Variants in ZSCAN5A observed in about 807,000 individuals in gnomAD.
ZSCAN5A encodes zinc finger and SCAN domain-containing protein 5A.
In ZSCAN5A, 12 loss-of-function variants were observed where a neutral mutation model predicts 23.7. The observed-to-expected ratio is 0.51, with a 90% confidence interval of 0.32 to 0.82. ZSCAN5A has a LOEUF of 0.82. Among genes scored for constraint, ZSCAN5A ranks in the 40% least tolerant of loss-of-function variants. ZSCAN5A has a pLI of 0.03. For synonymous variants in ZSCAN5A, 257 were observed against 239.9 expected, an observed-to-expected ratio of 1.07 and a Z score of -0.66; for missense variants, 597 against 617.9, an observed-to-expected ratio of 0.97 and a Z score of 0.36.
At chr19:56,244,433 G>A (rs987999650) in intron 2 of ZSCAN5A, 1 of 1,579,822 alleles carries the variant, frequency 6.3e-7, no homozygotes, top group Non-Finnish European at 8.6e-7. Context: ...ATGGGTGAGT[G>A]GGACCCTCGT....
intron 2 of ZSCAN5A, among the ~76,000 whole-genome samples, chr19:56,298,395 TG>T (rs2040016455): frequency 6.6e-6 from 1 of 152,114 alleles, no homozygotes; most frequent in Admixed American, 6.5e-5. Flanking sequence ...CCCAGCATTC[TG>T]GGAGGCCGAG....
intron 2 of ZSCAN5A, among the ~76,000 whole-genome samples, chr19:56,241,206 C>T (rs2035400891): frequency 6.6e-6 from 1 of 152,164 alleles, no homozygotes; most frequent in African/African-American, 2.4e-5. Flanking sequence ...TGTTCCATTG[C>T]TTGCTTTAAT....
At chr19:56,363,587 G>A (rs903004165) in intron 1 of ZSCAN5A, among the ~76,000 whole-genome samples, 2 of 152,216 alleles carry the variant, frequency 1.3e-5, no homozygotes, top group Middle Eastern at 3.2e-3. Context: ...TAGTAATATG[G>A]ACAGTGACGT....
Position 56,237,186 on chromosome 19 carries a change from G to A in ZSCAN5A, c.-127-12013C>T, listed in dbSNP as rs182107613. ...CCGTTTTTTTGTGTTTTTGTCTTTC[G>A]TTGCTTTGTTCTTTTGTTACTTTGT... On this transcript the variant is annotated intron_variant, in intron 2 of 5. Transcript: ENST00000683990. Among the ~76,000 whole-genome samples, 729 of 152,218 alleles carry A rather than the reference G, an allele frequency of 4.8e-3. 4 individuals carry two copies. The highest frequency in any genetic ancestry group is 0.015 in the African/African-American group (616 of 41,526).
At chr19:56,225,882 C>T (rs2033885123) in intron 2 of ZSCAN5A, among the ~76,000 whole-genome samples, 1 of 135,226 alleles carries the variant, frequency 7.4e-6, no homozygotes, top group Admixed American at 7.9e-5. Flanking sequence ...CTAGCAATCA[C>T]TAATCTACCT....
intron 2 of ZSCAN5A, among the ~76,000 whole-genome samples, chr19:56,342,117 A>G (rs140343237): frequency 2.0e-5 from 3 of 152,272 alleles, no homozygotes; most frequent in South Asian, 2.1e-4. Context: ...ACTTAATCAC[A>G]TAAAAGTTTT....
At position 56,224,838 on chromosome 19, in the gene ZSCAN5A, T is replaced by C. The variant is rs1436150555; in HGVS notation, c.209A>G (p.His70Arg). 1 of 1,613,294 alleles carries C rather than the reference T, an allele frequency of 6.2e-7. No homozygotes were observed. The highest frequency in any genetic ancestry group is 8.5e-7 in the Non-Finnish European group (1 of 1,179,610). ...GTGGAGGTCGGGCCTCAGCCACAGA[T>C]GGCACAGCTCAGTGAGTTTCCTCAG... is the stretch of plus-strand genomic sequence containing the variant. ...QALRKLTELC[H>R]LWLRPDLHTK... The change falls in exon 3 of 6, where the codon CAT becomes CGT. Residue 70 changes from histidine (H) to arginine (R), a missense_variant. His to Arg is a conservative substitution (Grantham distance 29, BLOSUM62 0). Coordinates refer to ENST00000683990, the MANE Select transcript of ZSCAN5A (RefSeq NM_001322064.3).
chr19:56,272,065 G>C (rs2037888084), intron 2 of ZSCAN5A, among the ~76,000 whole-genome samples: 1 of 152,208 alleles, frequency 6.6e-6, no homozygotes, highest in Admixed American at 6.5e-5. Flanking sequence ...CAACTTTATA[G>C]ATCAAGAAAA....
chr19:56,245,951 G>A (rs923092879), intron 2 of ZSCAN5A, among the ~76,000 whole-genome samples: 16 of 152,270 alleles, frequency 1.1e-4, no homozygotes, highest in East Asian at 1.9e-4. Flanking sequence ...CTCCAGGAGG[G>A]TGATGCAGCC....
rs997211124 is a variant in ZSCAN5A at position 56,222,604 on chromosome 19, A to T, written c.726T>A (p.Leu242=). The change falls in exon 5 of 6, where the codon CTT becomes CTA. Residue 242 remains leucine (L), a synonymous_variant. Transcript: ENST00000683990. ...CTTCATACTCACTGGGACTCTTTGGAAGCTGAGGCTCTGGGGATGTCAGTC... is the reference window on the plus strand; with the variant it reads ...CTTCATACTCACTGGGACTCTTTGGTAGCTGAGGCTCTGGGGATGTCAGTC... ...NPGLTSPEPQ[L]PKSPTDLVRA... is the part of the protein sequence containing the mutation. 4 of 1,614,138 alleles carry T rather than the reference A, an allele frequency of 2.5e-6. No individual in the cohort carries two copies. The Admixed American group carries it at 6.7e-5, about 27-fold the overall frequency.
chr19:56,222,574 C>A lies in ZSCAN5A; in HGVS notation c.739+17G>T. Reference sequence around the variant, plus strand: ...AGAGAGGGACTAACCCCTGTGGATCCAAGTCTTCATACTCACTGGGACTCT... The same window carrying A: ...AGAGAGGGACTAACCCCTGTGGATCAAAGTCTTCATACTCACTGGGACTCT... On this transcript the variant is annotated intron_variant, in intron 5 of 5. Coordinates refer to ENST00000683990, the MANE Select transcript of ZSCAN5A (RefSeq NM_001322064.3). 6.2e-7 allele frequency: 1 copy of A among 1,613,148 alleles called. No homozygotes were observed. Among genetic ancestry groups the A allele is most frequent in the East Asian group, 2.2e-5 (1 of 44,838 alleles).
rs2033301839 is a variant in ZSCAN5A at position 56,222,197 on chromosome 19, T to C, written c.869A>G (p.Asp290Gly). Residue 290 changes from aspartate (D) to glycine (G), a missense_variant, in exon 6 of 6, where the codon GAC (aspartate) becomes GGC (glycine). Asp to Gly is a moderately conservative substitution (Grantham distance 94). Coordinates refer to ENST00000683990, the MANE Select transcript of ZSCAN5A (RefSeq NM_001322064.3). ...EASTHSGNRGDALNLSSPKRS... is the reference protein window; with the variant it reads ...EASTHSGNRGGALNLSSPKRS... ...TTTGGGACTGCTCAGATTCAGAGCGTCTCCTCTGTTCCCGCTGTGAGTCGA... is the reference window on the plus strand; with the variant it reads ...TTTGGGACTGCTCAGATTCAGAGCGCCTCCTCTGTTCCCGCTGTGAGTCGA... 8.7e-6 allele frequency: 14 copies of C among 1,613,984 alleles called. No individual in the cohort carries two copies. The highest frequency in any genetic ancestry group is 1.1e-5 in the Non-Finnish European group (13 of 1,179,952).
chr19:56,285,311 A>G (rs1232045775), intron 2 of ZSCAN5A, among the ~76,000 whole-genome samples: 1 of 152,258 alleles, frequency 6.6e-6, no homozygotes, highest in Admixed American at 6.5e-5. Context: ...AGTCAAAATC[A>G]TTCTCTTCAC....
At chr19:56,226,060 G>A (rs1200805311) in intron 2 of ZSCAN5A, among the ~76,000 whole-genome samples, 1 of 152,048 alleles carries the variant, frequency 6.6e-6, no homozygotes, top group Non-Finnish European at 1.5e-5. Context: ...ATACTCTCCA[G>A]GCATCAATTA....
chr19:56,273,270 G>C (rs2037989612), intron 2 of ZSCAN5A, among the ~76,000 whole-genome samples: 1 of 152,198 alleles, frequency 6.6e-6, no homozygotes, highest in African/African-American at 2.4e-5. Flanking sequence ...ACGTTGTGCA[G>C]TGCCTGGAAG....
At chr19:56,355,289 A>G (rs991881153) in intron 2 of ZSCAN5A, among the ~76,000 whole-genome samples, 1 of 148,880 alleles carries the variant, frequency 6.7e-6, no homozygotes, top group Non-Finnish European at 1.5e-5. Flanking sequence ...TCAAAATTGT[A>G]TAAAACTGCC....
chr19:56,247,979 C>T (rs147106429), intron 2 of ZSCAN5A, among the ~76,000 whole-genome samples: 12,098 of 152,226 alleles, frequency 0.079, 555 homozygotes, highest in South Asian at 0.17. Context: ...CGTGAGCCAC[C>T]GCACCTGGCC....
At chr19:56,319,999 C>T (rs1568749896) in intron 2 of ZSCAN5A, 1 of 922,220 alleles carries the variant, frequency 1.1e-6, no homozygotes, top group African/African-American at 1.6e-5. Context: ...CATTGATACT[C>T]TCTAATACAC....
intron 2 of ZSCAN5A, among the ~76,000 whole-genome samples, chr19:56,328,662 G>T (rs1054575208): frequency 1.3e-5 from 2 of 148,480 alleles, no homozygotes; most frequent in Non-Finnish European, 3.0e-5. Context: ...CAAAAAATGG[G>T]TAAAATATGG....
Sources: gnomAD v4.1 joint callset for allele counts (sites outside exome capture counted in the v4.1 genomes callset) on GRCh38, gnomAD v4.1.1 for gene constraint, MANE v1.5 for transcripts, NCBI Gene and HGNC (gene_info 2026-07-23, HGNC 2026-07-21) for gene names.